Variants in TRPM6 observed in about 807,000 individuals in gnomAD.
TRPM6 encodes transient receptor potential cation channel subfamily M member 6.
A neutral mutation model predicts 247.6 loss-of-function variants in TRPM6; 111 were observed. The ratio of observed to expected loss-of-function variants is 0.45; its 90% CI spans 0.38 to 0.52. The LOEUF is 0.52. TRPM6 is among the 20% of genes least tolerant of loss of function. The pLI is 0.00. For missense variants in TRPM6, 2,126 were observed against 2,421.5 expected (o/e 0.88, Z 2.56); for synonymous variants, 892 against 853.8 (o/e 1.04, Z -0.78).
At chr9:74,874,869 C>T (rs1206156119) in intron 1 of TRPM6, among the ~76,000 whole-genome samples, 1 of 151,736 alleles carries the variant, frequency 6.6e-6, no homozygotes, top group Non-Finnish European at 1.5e-5. Context: ...GATTCTCCTG[C>T]CTCAGCCTCC....
Position 74,762,000 on chromosome 9 carries a change from T to C in TRPM6, c.4671A>G (p.Lys1557=). The change falls in exon 26 of 39, where the codon AAA becomes AAG. Residue 1557 remains lysine, a splice_region_variant and synonymous_variant. Coordinates refer to ENST00000360774, the MANE Select transcript of TRPM6 (RefSeq NM_017662.5). ...ATATTTTAAATGTTTATTCCTTACTTTTAATCTTACAGATCTTCATCAATT... is the reference window on the plus strand; with the variant it reads ...ATATTTTAAATGTTTATTCCTTACTCTTAATCTTACAGATCTTCATCAATT... ...EEKLMKICKI[K]NLSGSSEIGQ... The C allele has an allele frequency of 1.2e-6, 2 of 1,613,854 alleles. No individual in the cohort carries two copies. Among genetic ancestry groups the C allele is most frequent in the Non-Finnish European group, 1.7e-6 (2 of 1,179,782 alleles).
At chr9:74,740,559 A>G (rs139646006) in intron 33 of TRPM6, among the ~76,000 whole-genome samples, 332 of 152,358 alleles carry the variant, frequency 2.2e-3, no homozygotes, top group Admixed American at 4.3e-3. Context: ...GCGCAAACAC[A>G]AAATTCATCT....
chr9:74,788,718 G>T lies in TRPM6; in HGVS notation c.2563C>A (p.Leu855Met), dbSNP rs1310113810. Residue 855 changes from leucine (L) to methionine (M), a missense_variant, in exon 20 of 39, where the codon CTG becomes ATG. Leu to Met is a conservative substitution (Grantham distance 15). Transcript: ENST00000360774. Reference protein sequence around the residue: ...YTMAYLAFLMLFTYTVLVEMQ... With the variant: ...YTMAYLAFLMMFTYTVLVEMQ... Reference sequence around the variant, plus strand: ...TCCACCAACACGGTGTAAGTGAACAGCATGAGGAATGCCAAATACGCCATC... The same window carrying T: ...TCCACCAACACGGTGTAAGTGAACATCATGAGGAATGCCAAATACGCCATC... The T allele has an allele frequency of 6.2e-7, 1 of 1,613,954 alleles. No homozygotes were observed. Among genetic ancestry groups the T allele is most frequent in the Non-Finnish European group, 8.5e-7 (1 of 1,179,970 alleles).
chr9:74,841,408 A>G (rs1014194759), intron 4 of TRPM6, among the ~76,000 whole-genome samples: 16 of 152,250 alleles, frequency 1.1e-4, no homozygotes, highest in Admixed American at 4.6e-4. Context: ...AAACAAAACC[A>G]CAGGCAAAGA....
At chr9:74,756,259 T>C (rs1210332136) in intron 27 of TRPM6, among the ~76,000 whole-genome samples, 1 of 152,176 alleles carries the variant, frequency 6.6e-6, no homozygotes, top group Non-Finnish European at 1.5e-5. Context: ...TTTTATGTAA[T>C]TGTCTCAATA....
At chr9:74,875,050 C>T (rs934978143) in intron 1 of TRPM6, among the ~76,000 whole-genome samples, 2 of 151,960 alleles carry the variant, frequency 1.3e-5, no homozygotes, top group African/African-American at 4.8e-5. Context: ...CAGGCATAAG[C>T]CACCATGCCT....
At chr9:74,760,233 C>A (rs1304994249) in intron 27 of TRPM6, among the ~76,000 whole-genome samples, 1 of 152,216 alleles carries the variant, frequency 6.6e-6, no homozygotes, top group African/African-American at 2.4e-5. Context: ...CCTAGAACAA[C>A]TTCCAAGTCC....
At chr9:74,810,333 G>GTA (rs1828686425) in intron 13 of TRPM6, among the ~76,000 whole-genome samples, 1 of 152,162 alleles carries the variant, frequency 6.6e-6, no homozygotes, top group African/African-American at 2.4e-5. Context: ...ATGACCAAGA[G>GTA]TATAGAACAG....
At chr9:74,782,229 A>G in intron 23 of TRPM6, 133 bp downstream of exon 23, 1 of 668,074 alleles carries the variant, frequency 1.5e-6, no homozygotes, top group Non-Finnish European at 2.6e-6. Flanking sequence ...TTATGTGCAT[A>G]TTTCAAAACA....
At chr9:74,755,777 T>C (rs1826411634) in intron 27 of TRPM6, among the ~76,000 whole-genome samples, 1 of 152,210 alleles carries the variant, frequency 6.6e-6, no homozygotes, top group Non-Finnish European at 1.5e-5. Context: ...GTCCCACCTC[T>C]GGAATCTCTA....
intron 37 of TRPM6, among the ~76,000 whole-genome samples, chr9:74,730,963 T>A (rs1825500886): frequency 6.6e-6 from 1 of 152,154 alleles, no homozygotes; most frequent in African/African-American, 2.4e-5. Flanking sequence ...ACAGAGTTTC[T>A]CAACCCTGGT....
At chr9:74,852,159 A>T (rs1830343050) in intron 3 of TRPM6, among the ~76,000 whole-genome samples, 2 of 151,508 alleles carry the variant, frequency 1.3e-5, no homozygotes, top group African/African-American at 4.8e-5. Context: ...TTTTTTTTTT[A>T]ATGATAGTAT....
chr9:74,810,962 T>C (rs1360525870), intron 12 of TRPM6, 94 bp from the exon 13 acceptor site: 4 of 969,588 alleles, frequency 4.1e-6, no homozygotes, highest in African/African-American at 3.2e-5. Flanking sequence ...TAACTGAGAA[T>C]ACTGAAAATT....
At chr9:74,816,521 GAA>G (rs1828937461) in intron 11 of TRPM6, 146 bp downstream of exon 11, 1 of 624,488 alleles carries the variant, frequency 1.6e-6, no homozygotes, top group Non-Finnish European at 2.8e-6. Context: ...AAGTCGATGG[GAA>G]AAGTGTCTTA....
At chr9:74,856,463 G>A (rs867190711) in intron 2 of TRPM6, among the ~76,000 whole-genome samples, 16 of 92,618 alleles carry the variant, frequency 1.7e-4, no homozygotes, top group African/African-American at 8.5e-4. Context: ...GTGTGTGTGT[G>A]TGTCTGTGTG....
At chr9:74,856,593 T>C (rs1830533782) in intron 2 of TRPM6, among the ~76,000 whole-genome samples, 1 of 152,132 alleles carries the variant, frequency 6.6e-6, no homozygotes, top group Non-Finnish European at 1.5e-5. Flanking sequence ...TTCAGGACTT[T>C]TATTTCTTCC....
At chr9:74,785,537 T>A (rs1021407099) in intron 21 of TRPM6, among the ~76,000 whole-genome samples, 7 of 152,158 alleles carry the variant, frequency 4.6e-5, no homozygotes, top group African/African-American at 1.7e-4. Context: ...AACCTTTTTT[T>A]TTTGAGATGG....
chr9:74,874,585 A>AATTTCTTCT (rs1284202811), intron 1 of TRPM6, among the ~76,000 whole-genome samples: 2 of 152,148 alleles, frequency 1.3e-5, no homozygotes, highest in Admixed American at 1.3e-4. Flanking sequence ...TTCAGTATTT[A>AATTTCTTCT]ATTTCTTCTG....
At chr9:74,791,684 CA>C (rs919195001) in intron 19 of TRPM6, among the ~76,000 whole-genome samples, 1 of 152,058 alleles carries the variant, frequency 6.6e-6, no homozygotes, top group East Asian at 1.9e-4. Flanking sequence ...CTACTGAAGG[CA>C]AAAAAACCAA....
Sources: allele counts gnomAD v4.1 joint callset (sites outside exome capture counted in the v4.1 genomes callset), GRCh38; gene constraint gnomAD v4.1.1; transcripts MANE v1.5; gene names NCBI Gene and HGNC (gene_info 2026-07-23, HGNC 2026-07-21).